The following FAM185A variants were observed in gnomAD, a reference collection of about 807,000 sequenced individuals.
FAM185A encodes the protein family with sequence similarity 185 member A.
In FAM185A, 21 loss-of-function variants were observed where a neutral mutation model predicts 45.7. The ratio of observed to expected loss-of-function variants is 0.46; its 90% CI spans 0.33 to 0.66. The LOEUF (loss-of-function observed/expected upper bound fraction) is 0.66. Ranked by LOEUF, FAM185A falls within the 30% of genes least tolerant of loss-of-function variation. FAM185A has a pLI of 0.03. For missense variants in FAM185A, 305 were observed against 485.4 expected, an observed-to-expected ratio of 0.63 and a Z score of 3.49; for synonymous variants, 117 against 194.0, an observed-to-expected ratio of 0.60 and a Z score of 3.30.
the FAM185A span, among the ~76,000 whole-genome samples, chr7:102,833,971 C>T: frequency 1.4e-4 from 21 of 146,078 alleles, no homozygotes; most frequent in Non-Finnish European, 3.0e-4. Context: ...CAAAAGTAAA[C>T]CTAACCGTAA....
intron 7 of FAM185A, among the ~76,000 whole-genome samples, chr7:102,804,276 C>A (rs1796971589): frequency 6.6e-6 from 1 of 152,150 alleles, no homozygotes. Flanking sequence ...TACCTGACTT[C>A]AAACTATACT....
the FAM185A span, among the ~76,000 whole-genome samples, chr7:102,848,213 A>C: frequency 6.6e-6 from 1 of 152,166 alleles, no homozygotes; most frequent in African/African-American, 2.4e-5. Flanking sequence ...AATAATTAGA[A>C]ATTTTTGTCT....
At chr7:102,773,582 C>T (rs1043464053) in intron 5 of FAM185A, among the ~76,000 whole-genome samples, 1 of 152,166 alleles carries the variant, frequency 6.6e-6, no homozygotes, top group East Asian at 1.9e-4. Context: ...GTAGGTATGG[C>T]ATTGCTGAGT....
At chr7:102,753,016 A>G (rs964828985) in intron 2 of FAM185A, among the ~76,000 whole-genome samples, 6 of 151,896 alleles carry the variant, frequency 4.0e-5, no homozygotes, top group Non-Finnish European at 7.4e-5. Context: ...CGTATCTGCC[A>G]TCAGCATGTG....
the FAM185A span, among the ~76,000 whole-genome samples, chr7:102,849,124 T>C: frequency 6.6e-6 from 1 of 152,314 alleles, no homozygotes; most frequent in Admixed American, 6.5e-5. Context: ...TTCTTTGCCA[T>C]ACTTTGCCGT....
intron 1 of FAM185A, 45 bp from the exon 2 acceptor site, chr7:102,751,647 T>C (rs1303646940): frequency 1.8e-5 from 27 of 1,511,158 alleles, no homozygotes; most frequent in Middle Eastern, 3.4e-4. Context: ...CTTTGGAGCT[T>C]ATAAACTGCA....
At chr7:102,812,895 T>C (rs1166642938), downstream of FAM185A, among the ~76,000 whole-genome samples, 1 of 149,834 alleles carries the variant, frequency 6.7e-6, no homozygotes, top group East Asian at 2.0e-4. Context: ...GAGGCTGGAA[T>C]GCAGTGACGT....
the FAM185A span, among the ~76,000 whole-genome samples, chr7:102,846,767 C>T: frequency 1.2e-3 from 3 of 2,554 alleles, no homozygotes; most frequent in Non-Finnish European, 2.5e-3. Flanking sequence ...TGGACATGAC[C>T]AAAGTGCCTG....
intron 6 of FAM185A, among the ~76,000 whole-genome samples, chr7:102,782,051 A>G (rs537836032): frequency 2.6e-5 from 4 of 152,386 alleles, no homozygotes; most frequent in African/African-American, 9.6e-5. Flanking sequence ...AAGAAAGGGT[A>G]TCAGTGATGG....
the FAM185A span, among the ~76,000 whole-genome samples, chr7:102,836,009 A>G: frequency 6.6e-6 from 1 of 152,166 alleles, no homozygotes; most frequent in Non-Finnish European, 1.5e-5. Context: ...GAATATTTAA[A>G]CTATAAGAAT....
At chr7:102,842,629 C>T in the FAM185A span, among the ~76,000 whole-genome samples, 1 of 152,242 alleles carries the variant, frequency 6.6e-6, no homozygotes, top group East Asian at 1.9e-4. Flanking sequence ...ATGAACTCAA[C>T]CCTTCTTACA....
chr7:102,832,631 G>T, the FAM185A span, among the ~76,000 whole-genome samples: 1 of 152,154 alleles, frequency 6.6e-6, no homozygotes, highest in African/African-American at 2.4e-5. Context: ...ATTTGTATGA[G>T]AATTATGTTT....
At chr7:102,849,559 G>A in the FAM185A span, among the ~76,000 whole-genome samples, 1 of 152,172 alleles carries the variant, frequency 6.6e-6, no homozygotes, top group East Asian at 1.9e-4. Context: ...TCTAAGTAAC[G>A]AGAGAGCATT....
At chr7:102,848,729 C>CACACCCATAAT in the FAM185A span, among the ~76,000 whole-genome samples, 1 of 152,046 alleles carries the variant, frequency 6.6e-6, no homozygotes, top group Non-Finnish European at 1.5e-5. Context: ...CACGGCGCCT[C>CACACCCATAAT]ACACCCATAA....
chr7:102,821,669 C>T, the FAM185A span, among the ~76,000 whole-genome samples: 2 of 152,142 alleles, frequency 1.3e-5, no homozygotes, highest in Non-Finnish European at 2.9e-5. Context: ...CACATTTTTG[C>T]CCTCAGTCAA....
At chr7:102,799,356 C>T (rs1433848232) in intron 7 of FAM185A, among the ~76,000 whole-genome samples, 2 of 152,062 alleles carry the variant, frequency 1.3e-5, no homozygotes, top group African/African-American at 4.8e-5. Flanking sequence ...CTGGGAAAAA[C>T]GCAATGAGCT....
At chr7:102,813,826 T>G (rs1205296582), downstream of FAM185A, among the ~76,000 whole-genome samples, 1 of 152,176 alleles carries the variant, frequency 6.6e-6, no homozygotes. Flanking sequence ...TTATACTGCT[T>G]TAAGTAAGCC....
At chr7:102,787,232 A>G in intron 6 of FAM185A, 103 bp from the exon 7 acceptor site, 1 of 938,870 alleles carries the variant, frequency 1.1e-6, no homozygotes, top group Non-Finnish European at 1.5e-6. Context: ...AGGAGTAAAA[A>G]CAGTGTCTCA....
chr7:102,777,838 C>CTTA (rs1795160691), intron 6 of FAM185A, among the ~76,000 whole-genome samples: 1 of 151,988 alleles, frequency 6.6e-6, no homozygotes, highest in Non-Finnish European at 1.5e-5. Flanking sequence ...AGTATCAAGA[C>CTTA]TTATGATATG....
Sources: allele counts gnomAD v4.1 joint callset (sites outside exome capture counted in the v4.1 genomes callset), GRCh38; gene constraint gnomAD v4.1.1; transcripts MANE v1.5; gene names NCBI Gene and HGNC (gene_info 2026-07-23, HGNC 2026-07-21).